The following EMC2 variants were observed in gnomAD, a reference collection of about 807,000 sequenced individuals.
EMC2 encodes the protein TPR repeat protein 35.
Under a neutral mutation model 51.6 loss-of-function variants are expected in EMC2, and 37 were observed. The observed-to-expected ratio is 0.72, with a 90% CI of 0.55 to 0.94. EMC2 has a LOEUF of 0.94. Ranked by LOEUF, EMC2 falls within the 40% of genes least tolerant of loss-of-function variation. The pLI, the probability that EMC2 is intolerant of heterozygous loss-of-function variation, is 0.00. For missense variants in EMC2, 359 were observed against 350.9 expected (o/e 1.02, Z -0.18); for synonymous variants, 131 against 112.4 (o/e 1.17, Z -1.04).
Position 108,476,905 on chromosome 8 carries a change from G to T in EMC2, c.702+13G>T. ...TGGACTTTATATGGTGAGTTGAGGT[G>T]CATGTTTAATGTTATTTTTAAAAAT... On this transcript the variant is annotated intron_variant, in intron 9 of 10. Coordinates refer to ENST00000220853, the MANE Select transcript of EMC2 (RefSeq NM_014673.5). 8.4e-7 allele frequency: 1 copy of T among 1,195,460 alleles called. No individual in the cohort carries two copies. The highest frequency in any genetic ancestry group is 1.2e-5 in the South Asian group (1 of 81,944). 74.1% of individuals were successfully genotyped at this position (1,195,460 alleles called of 1,614,324 possible).
At chr8:108,467,783 G>A (rs953046737) in intron 5 of EMC2, among the ~76,000 whole-genome samples, 2 of 152,272 alleles carry the variant, frequency 1.3e-5, no homozygotes, top group Middle Eastern at 3.4e-3. Context: ...TAAGGATTGG[G>A]ACAAGATATA....
intron 7 of EMC2, among the ~76,000 whole-genome samples, chr8:108,470,420 C>T (rs1810831896): frequency 6.6e-6 from 1 of 152,110 alleles, no homozygotes; most frequent in Non-Finnish European, 1.5e-5. Context: ...ATTTGCTAAG[C>T]TAAGTTTATT....
chr8:108,446,338 A>G (rs1440669189), intron 1 of EMC2: 1 of 405,098 alleles, frequency 2.5e-6, no homozygotes, highest in Non-Finnish European at 5.0e-6. Context: ...TTTACATTGT[A>G]ATGAAGTAAA....
intron 5 of EMC2, among the ~76,000 whole-genome samples, chr8:108,464,451 T>G (rs909512329): frequency 2.6e-5 from 4 of 152,108 alleles, no homozygotes; most frequent in African/African-American, 4.8e-5. Context: ...CAGCAAAGCC[T>G]CCTCCTGGCA....
At chr8:108,458,509 T>C (rs1819222750) in intron 5 of EMC2, among the ~76,000 whole-genome samples, 1 of 152,194 alleles carries the variant, frequency 6.6e-6, no homozygotes, top group African/African-American at 2.4e-5. Context: ...AATTCTTGAC[T>C]TCTTTGCACT....
rs769904959 is a variant in EMC2 at position 108,476,887 on chromosome 8, T to C, written c.697T>C (p.Tyr233His). The change falls in exon 9 of 11, where the codon TAT becomes CAT. Residue 233 changes from tyrosine (Y) to histidine (H), a missense_variant. Transcript: ENST00000220853. The stretch of plus-strand genomic sequence containing the variant: ...AAATATGAGAGCTTTGTTTGGACTT[T>C]ATATGGTGAGTTGAGGTGCATGTTT... Reference protein sequence around the residue: ...NRNMRALFGLYMSASHIASNP... With the variant: ...NRNMRALFGLHMSASHIASNP... 9 of 1,460,754 alleles carry C rather than the reference T, an allele frequency of 6.2e-6. No individual in the cohort carries two copies. In the Admixed American group the frequency reaches 1.0e-4, roughly 16 times the overall value. The allele number at this position is 1,460,754 out of a possible 1,614,324, so 90.5% of individuals were successfully genotyped here. A position where few individuals can be genotyped will look rare whatever the true frequency, so the allele number is the denominator to read the frequency against.
At chr8:108,451,062 G>A (rs1819006463) in intron 3 of EMC2, among the ~76,000 whole-genome samples, 1 of 152,096 alleles carries the variant, frequency 6.6e-6, no homozygotes, top group Non-Finnish European at 1.5e-5. Context: ...AATCAGCCAG[G>A]CGTGGTGGAG....
In EMC2 at chr8:108,487,966, A is replaced by G. The variant is rs1295777773; in HGVS notation, c.*1368A>G. 1.3e-5 allele frequency among the ~76,000 whole-genome samples: 2 copies of G among 152,134 alleles called. No individual in the cohort carries two copies. Among genetic ancestry groups the G allele is most frequent in the African/African-American group, 4.8e-5 (2 of 41,428 alleles). ...AAAGATCCCGTCTTTGTACACATGA[A>G]ATTAGTAACTGCATTTTCAACATGA... On this transcript the variant is annotated 3_prime_UTR_variant, in exon 11 of 11. Transcript: ENST00000220853.
chr8:108,444,514 C>T (rs1408265474), intron 1 of EMC2, among the ~76,000 whole-genome samples: 1 of 151,986 alleles, frequency 6.6e-6, no homozygotes, highest in East Asian at 1.9e-4. Context: ...TTCATATTCC[C>T]AGCATTTAAC....
At chr8:108,457,721 G>A (rs1385430924) in intron 5 of EMC2, among the ~76,000 whole-genome samples, 1 of 152,128 alleles carries the variant, frequency 6.6e-6, no homozygotes, top group Non-Finnish European at 1.5e-5. Flanking sequence ...TATGTGAATT[G>A]TGGAAGTTAC....
chr8:108,457,022 T>C (rs530763978), intron 5 of EMC2, among the ~76,000 whole-genome samples: 5 of 152,326 alleles, frequency 3.3e-5, no homozygotes, highest in East Asian at 3.9e-4. Context: ...AAAAATCTTA[T>C]ATAATGTCTG....
At chr8:108,446,852 G>A (rs1280723322) in intron 1 of EMC2, among the ~76,000 whole-genome samples, 1 of 152,174 alleles carries the variant, frequency 6.6e-6, no homozygotes, top group East Asian at 1.9e-4. Flanking sequence ...TCAAGAGTGT[G>A]GCAGGGTCAG....
At chr8:108,455,446 T>A (rs1462251192) in intron 4 of EMC2, among the ~76,000 whole-genome samples, 1 of 152,170 alleles carries the variant, frequency 6.6e-6, no homozygotes, top group African/African-American at 2.4e-5. Flanking sequence ...TACCCATCTG[T>A]TTTTGCATCC....
rs534614374 is a variant in EMC2, at chr8:108,462,279, A to G, written c.363+6349A>G. On this transcript the variant is annotated intron_variant, in intron 5 of 10. Transcript: ENST00000220853. Reference sequence around the variant, plus strand: ...TAGAAATGCAAATGTGGTATACTCTATGTAACAATATAGTTTAAAGATCAT... The same window carrying G: ...TAGAAATGCAAATGTGGTATACTCTGTGTAACAATATAGTTTAAAGATCAT... Among the ~76,000 whole-genome samples, 64 of 152,092 alleles carry G rather than the reference A, an allele frequency of 4.2e-4. 1 individual carries two copies. The highest frequency in any genetic ancestry group is 2.7e-3 in the South Asian group (13 of 4,822).
intron 5 of EMC2, among the ~76,000 whole-genome samples, chr8:108,468,853 GTT>G (rs1810793225): frequency 6.6e-6 from 1 of 152,170 alleles, no homozygotes; most frequent in South Asian, 2.1e-4. Context: ...GTCCCTGACT[GTT>G]TACTTCAGCC....
At chr8:108,474,864 A>G (rs1330864122) in intron 7 of EMC2, 1 of 150,734 alleles carries the variant, frequency 6.6e-6, no homozygotes, top group African/African-American at 2.4e-5. Flanking sequence ...CCTTCTTCCT[A>G]GGGTTTTGGT....
At position 108,451,589 on chromosome 8, in the gene EMC2, T is replaced by C. The variant is rs1819023314; in HGVS notation, c.219+1097T>C. 1.3e-5 allele frequency among the ~76,000 whole-genome samples: 2 copies of C among 152,224 alleles called. 1 individual carries two copies. The highest frequency in any genetic ancestry group is 4.1e-4 in the South Asian group (2 of 4,834). On this transcript the variant is annotated intron_variant, in intron 3 of 10. Transcript: ENST00000220853. Reference sequence around the variant, plus strand: ...ATACATGTAATTCTAGTGGAGCTGTTAGTGATGAAAACATTCCACAAAACC... The same window carrying C: ...ATACATGTAATTCTAGTGGAGCTGTCAGTGATGAAAACATTCCACAAAACC...
At chr8:108,467,645 G>C (rs1586186818) in intron 5 of EMC2, among the ~76,000 whole-genome samples, 2 of 152,138 alleles carry the variant, frequency 1.3e-5, no homozygotes, top group Non-Finnish European at 2.9e-5. Flanking sequence ...GGGCTCAAGT[G>C]ATCTTCCCAC....
intron 5 of EMC2, among the ~76,000 whole-genome samples, chr8:108,456,327 C>T (rs180820966): frequency 0.016 from 1,447 of 90,786 alleles, 10 homozygotes; most frequent in Middle Eastern, 0.098. Flanking sequence ...AGCAAGACTT[C>T]GTGTCAAAAA....
Sources: gnomAD v4.1 joint callset for allele counts (sites outside exome capture counted in the v4.1 genomes callset) on GRCh38, gnomAD v4.1.1 for gene constraint, MANE v1.5 for transcripts, NCBI Gene and HGNC (gene_info 2026-07-23, HGNC 2026-07-21) for gene names.